DNAI4: variants seen among roughly 807,000 people sequenced by gnomAD.
The protein encoded by DNAI4 is WD repeat domain 78.
DNAI4 carries 85 observed loss-of-function variants against 105.8 expected under a neutral mutation model. The observed-to-expected ratio is 0.80, with a 90% CI of 0.67 to 0.96. The LOEUF is 0.96. DNAI4 is among the 40% of genes least tolerant of loss of function. The probability of loss-of-function intolerance (pLI) is 0.00; values close to 1 mark genes in which losing one functional copy is unlikely to be tolerated. For synonymous variants in DNAI4, 352 were observed against 331.5 expected (o/e 1.06, Z -0.67); for missense variants, 1,014 against 1,005.6 (o/e 1.01, Z -0.11).
intron 8 of DNAI4, among the ~76,000 whole-genome samples, chr1:66,843,104 G>A (rs572042314): frequency 6.6e-6 from 1 of 151,292 alleles, no homozygotes; most frequent in East Asian, 2.0e-4. Context: ...GGAGGCTGAG[G>A]CAGGAGGATC....
At chr1:66,922,311 G>A (rs1650546783) in intron 1 of DNAI4, among the ~76,000 whole-genome samples, 1 of 108,736 alleles carries the variant, frequency 9.2e-6, no homozygotes, top group Admixed American at 1.1e-4. Flanking sequence ...ATATGGGGTG[G>A]TAAAGGACTC....
At chr1:66,875,497 G>C (rs1205769548) in intron 4 of DNAI4, among the ~76,000 whole-genome samples, 4 of 152,026 alleles carry the variant, frequency 2.6e-5, no homozygotes, top group African/African-American at 9.7e-5. Flanking sequence ...GCAAATAATA[G>C]AGTGAAAATA....
chr1:66,916,131 A>C (rs1405732056), intron 1 of DNAI4, among the ~76,000 whole-genome samples: 1 of 129,456 alleles, frequency 7.7e-6, no homozygotes, highest in Admixed American at 8.7e-5. Flanking sequence ...TTAGTCCTAA[A>C]ATAAAATGAC....
intron 1 of DNAI4, among the ~76,000 whole-genome samples, chr1:66,922,945 G>A (rs988146879): frequency 9.9e-5 from 15 of 152,150 alleles, no homozygotes; most frequent in Non-Finnish European, 1.6e-4. Flanking sequence ...AAAGACATCA[G>A]AGTGAAGAGG....
chr1:66,879,036 A>G (rs1647013609), intron 4 of DNAI4, among the ~76,000 whole-genome samples: 2 of 152,184 alleles, frequency 1.3e-5, no homozygotes, highest in African/African-American at 4.8e-5. Flanking sequence ...GTGATTTTAA[A>G]AAACCTCCCA....
chr1:66,912,910 G>A (rs541526990), intron 1 of DNAI4, among the ~76,000 whole-genome samples: 8 of 152,154 alleles, frequency 5.3e-5, no homozygotes, highest in Non-Finnish European at 5.9e-5. Flanking sequence ...ACCCCCTTCA[G>A]AGAATCCCTG....
At chr1:66,853,264 A>G (rs1388580259) in intron 7 of DNAI4, among the ~76,000 whole-genome samples, 1 of 152,264 alleles carries the variant, frequency 6.6e-6, no homozygotes, top group Non-Finnish European at 1.5e-5. Context: ...CCTCATGGGC[A>G]TTACCCCTTG....
chr1:66,836,186 AAGAAAGAAAGAAAGAAAGAAAG>A lies in DNAI4; in HGVS notation c.1582-431_1582-410del, dbSNP rs1365317279. 1.0e-3 allele frequency among the ~76,000 whole-genome samples: 68 copies of A among 65,716 alleles called. 2 individuals are homozygous for A. Among genetic ancestry groups the A allele is most frequent in the African/African-American group, 2.8e-3 (53 of 19,060 alleles). 43.1% of individuals were successfully genotyped at this position (65,716 alleles called of 152,430 possible). On this transcript the variant is annotated intron_variant, in intron 10 of 16. Coordinates refer to ENST00000371026, the MANE Select transcript of DNAI4 (RefSeq NM_024763.5). ...AAAGAAAGAAAGAAAGAAAGAAAGA[AAGAAAGAAAGAAAGAAAGAAAG>A]AGAGAGAGAGAGAGAGAGAGAGAGA...
Position 66,890,897 on chromosome 1 carries a change from G to GCAGCAA in DNAI4, c.643+251_643+256dup. 1 of 506,432 alleles carries GCAGCAA rather than the reference G, an allele frequency of 2.0e-6. No individual in the cohort carries two copies. Among genetic ancestry groups the GCAGCAA allele is most frequent in the South Asian group, 2.2e-5 (1 of 46,300 alleles). 31.4% of individuals were successfully genotyped at this position (506,432 alleles called of 1,614,324 possible). On this transcript the variant is annotated intron_variant, in intron 4 of 16. Coordinates refer to ENST00000371026, the MANE Select transcript of DNAI4 (RefSeq NM_024763.5). This position sits in a 1 kb window ranked among gnomAD's most constrained non-coding sequence, Gnocchi z 4.1. ...AGAAGAAGAAGAAGCAGAAGCAGCAGCAGCAACAGCAGCAGCAGAAGCAGC... is the reference window on the plus strand; with the variant it reads ...AGAAGAAGAAGAAGCAGAAGCAGCAGCAGCAACAGCAACAGCAGCAGCAGAAGCAGC...
intron 12 of DNAI4, 56 bp from the exon 13 acceptor site, chr1:66,833,762 C>T (rs902390362): frequency 3.2e-6 from 5 of 1,575,726 alleles, no homozygotes; most frequent in Admixed American, 3.7e-5. Flanking sequence ...AAGAGTACCG[C>T]AAATATCATG....
intron 15 of DNAI4, among the ~76,000 whole-genome samples, chr1:66,823,178 G>A (rs1490278624): frequency 2.9e-5 from 4 of 136,322 alleles, no homozygotes; most frequent in African/African-American, 7.9e-5. Flanking sequence ...TTGTTCTTGC[G>A]ATAGTTTGCT....
chr1:66,912,326 G>A (rs1649720754), intron 1 of DNAI4, among the ~76,000 whole-genome samples: 1 of 152,060 alleles, frequency 6.6e-6, no homozygotes, highest in Admixed American at 6.5e-5. Flanking sequence ...AAAATTAGCT[G>A]AGTGTGGTGG....
At position 66,924,672 on chromosome 1, in the gene DNAI4, T is replaced by C. The variant is rs1354117344; in HGVS notation, c.160A>G (p.Asn54Asp). The C allele has an allele frequency of 6.2e-7, 1 of 1,614,222 alleles. No individual in the cohort carries two copies. The highest frequency in any genetic ancestry group is 8.5e-7 in the Non-Finnish European group (1 of 1,180,048). Residue 54 changes from asparagine to aspartate, a missense_variant, in exon 1 of 17, where the codon AAC becomes GAC. Coordinates refer to ENST00000371026, the MANE Select transcript of DNAI4 (RefSeq NM_024763.5). ...VSPAGSHKQQ[N>D]FGLNNATQPK... is the part of the protein sequence containing the mutation. The stretch of plus-strand genomic sequence containing the variant: ...AGCGCCGGAACTTACAACCCGAAGT[T>C]CTGCTGCTTGTGACTGCCTGCCGGA...
At chr1:66,857,237 G>GA (rs1265074511) in intron 7 of DNAI4, among the ~76,000 whole-genome samples, 1 of 147,104 alleles carries the variant, frequency 6.8e-6, no homozygotes, top group Non-Finnish European at 1.5e-5. Context: ...ATCACAAGGA[G>GA]AAAAAACCAA....
intron 13 of DNAI4, among the ~76,000 whole-genome samples, chr1:66,829,462 A>G (rs1645823938): frequency 6.6e-6 from 1 of 152,190 alleles, no homozygotes; most frequent in African/African-American, 2.4e-5. Flanking sequence ...AAAAAATCAC[A>G]AGTTATAAAT....
At chr1:66,893,087 AAG>A (rs1491175059) in intron 3 of DNAI4, 140 bp downstream of exon 3, 3 of 404,350 alleles carry the variant, frequency 7.4e-6, no homozygotes, top group African/African-American at 6.6e-5. Context: ...GAAAGAAAGA[AAG>A]AAAGAAAGAA....
intron 10 of DNAI4, among the ~76,000 whole-genome samples, chr1:66,836,208 G>GAAAGAAAGAAAGAAAGAA (rs1409438113): frequency 6.8e-4 from 32 of 46,828 alleles, no homozygotes; most frequent in South Asian, 1.8e-3. Flanking sequence ...AAGAAAGAAA[G>GAAAGAAAGAAAGAAAGAA]AGAGAGAGAG....
At chr1:66,840,441 A>T (rs1298681735) in intron 9 of DNAI4, 28 bp downstream of exon 9, 1 of 1,587,562 alleles carries the variant, frequency 6.3e-7, no homozygotes, top group Non-Finnish European at 8.7e-7. Flanking sequence ...TGCTAGAAAC[A>T]GAATTGTTCA....
intron 7 of DNAI4, among the ~76,000 whole-genome samples, chr1:66,859,415 C>G (rs1646577711): frequency 6.6e-6 from 1 of 152,164 alleles, no homozygotes; most frequent in East Asian, 1.9e-4. Context: ...TAGGGATACT[C>G]TTACTGTATG....
Sources: gnomAD v4.1 joint callset for allele counts (sites outside exome capture counted in the v4.1 genomes callset) on GRCh38, gnomAD v4.1.1 for gene constraint, Gnocchi (gnomAD v3.1) non-coding constraint, MANE v1.5 for transcripts, NCBI Gene and HGNC (gene_info 2026-07-23, HGNC 2026-07-21) for gene names.